The following BNIPL variants were observed in gnomAD, a reference collection of about 807,000 sequenced individuals.
The protein encoded by BNIPL is BCL2 interacting protein like.
A neutral mutation model predicts 47.0 loss-of-function variants in BNIPL; 33 were observed. The observed-to-expected ratio is 0.70, with a 90% CI of 0.53 to 0.94. The LOEUF (loss-of-function observed/expected upper bound fraction) is 0.94. Ranked by LOEUF, BNIPL falls within the 40% of genes least tolerant of loss-of-function variation. The pLI is 0.00. For synonymous variants in BNIPL, 145 were observed against 162.7 expected (o/e 0.89, Z 0.83); for missense variants, 404 against 445.2 (o/e 0.91, Z 0.83).
Position 151,038,531 on chromosome 1 carries a change from T to C in BNIPL, c.165T>C (p.Ser55=). 1 of 1,613,848 alleles carries C rather than the reference T, an allele frequency of 6.2e-7. No homozygotes were observed. Among genetic ancestry groups the C allele is most frequent in the African/African-American group, 1.3e-5 (1 of 75,010 alleles). ...TGCTTCCTGAGGAGGCTGGCACTTC[T>C]GAAGATCCTGAAGACCCTAAAGGAG... is the stretch of plus-strand genomic sequence containing the variant. ...PRLLPEEAGT[S]EDPEDPKGDS... is the part of the protein sequence containing the mutation. The change falls in exon 3 of 10, where the codon TCT becomes TCC. Residue 55 remains serine (S), a synonymous_variant. Coordinates refer to ENST00000368931, the MANE Select transcript of BNIPL (RefSeq NM_138278.4).
intron 4 of BNIPL, among the ~76,000 whole-genome samples, chr1:151,041,163 A>T (rs1675810697): frequency 6.6e-6 from 1 of 151,950 alleles, no homozygotes; most frequent in Non-Finnish European, 1.5e-5. Context: ...CCAGCCTGGA[A>T]GACAGAGTGA....
intron 4 of BNIPL, among the ~76,000 whole-genome samples, chr1:151,041,706 G>A (rs1675828496): frequency 6.6e-6 from 1 of 152,230 alleles, no homozygotes; most frequent in Non-Finnish European, 1.5e-5. Context: ...GGGCACGGTG[G>A]CTCATGCCTG....
Position 151,045,652 on chromosome 1 carries a change from C to A in BNIPL, c.852-145C>A, listed in dbSNP as rs72706565. The A allele has an allele frequency of 4.2e-3, 5,908 of 1,402,320 alleles. 14 individuals are homozygous for A. The highest frequency in any genetic ancestry group is 5.1e-3 in the Non-Finnish European group (5,399 of 1,059,094). The allele number at this position is 1,402,320 out of a possible 1,614,324, so 86.9% of individuals were successfully genotyped here. On this transcript the variant is annotated intron_variant, in intron 7 of 9. Transcript: ENST00000368931. ...TGGGTGGAGCTGAGATTACAGCTGA[C>A]GGAATGGGGATTAGACCCAAGTACC...
chr1:151,040,682 C>T (rs890547603), intron 4 of BNIPL, among the ~76,000 whole-genome samples: 1 of 151,556 alleles, frequency 6.6e-6, no homozygotes, highest in Non-Finnish European at 1.5e-5. Context: ...GTAATCCCAG[C>T]TACTTGGGAG....
Position 151,038,953 on chromosome 1 carries a change from C to A in BNIPL, c.360C>A (p.Asp120Glu), listed in dbSNP as rs768006204. 1 of 1,613,032 alleles carries A rather than the reference C, an allele frequency of 6.2e-7. No homozygotes were observed. The change falls in exon 4 of 10, where the codon GAC becomes GAA. Residue 120 changes from aspartate (D) to glutamate (E), a missense_variant. Transcript: ENST00000368931. ...SAPSSPDGSSDLEIDELETPS... is the reference protein window; with the variant it reads ...SAPSSPDGSSELEIDELETPS... The stretch of plus-strand genomic sequence containing the variant: ...CTTCCTCTCCTGATGGCAGTTCTGA[C>A]CTGGAGATAGACGAATTGGAGACAC...
Position 151,043,348 on chromosome 1 carries a change from C to T in BNIPL, c.633C>T (p.Gly211=), listed in dbSNP as rs1466593634. The change falls in exon 6 of 10, where the codon GGC becomes GGT. Residue 211 remains glycine, a synonymous_variant. Coordinates refer to ENST00000368931, the MANE Select transcript of BNIPL (RefSeq NM_138278.4). ...ACTCTCCAGGTTACCACGGTGATGG[C>T]CTCAATGCTGTCATCCTTTTTGCTT... The part of the protein sequence containing the change: ...VLSHGGYHGD[G]LNAVILFASC... 2 of 1,608,886 alleles carry T rather than the reference C, an allele frequency of 1.2e-6. No homozygotes were observed. Among genetic ancestry groups the T allele is most frequent in the East Asian group, 2.2e-5 (1 of 44,874 alleles).
At chr1:151,041,191 A>T (rs185283883) in intron 4 of BNIPL, among the ~76,000 whole-genome samples, 2 of 152,072 alleles carry the variant, frequency 1.3e-5, no homozygotes, top group African/African-American at 4.8e-5. Flanking sequence ...TCTCAAAAAA[A>T]AAGGTAGAGA....
At position 151,046,639 on chromosome 1, in the gene BNIPL, T is replaced by G. The variant is rs750045816; in HGVS notation, c.1038-12T>G. On this transcript the variant is annotated splice_polypyrimidine_tract_variant and intron_variant, in intron 9 of 9. Coordinates refer to ENST00000368931, the MANE Select transcript of BNIPL (RefSeq NM_138278.4). ...CTGAACCACTTCTCTCCTCCCCCTC[T>G]CCCTCTCCTAGGCTGGACCGGGATC... 25 of 1,599,002 alleles carry G rather than the reference T, an allele frequency of 1.6e-5. No homozygotes were observed. Among genetic ancestry groups the G allele is most frequent in the Non-Finnish European group, 2.1e-5 (25 of 1,170,610 alleles).
intron 4 of BNIPL, among the ~76,000 whole-genome samples, chr1:151,041,204 A>G (rs1675814715): frequency 6.6e-6 from 1 of 151,794 alleles, no homozygotes; most frequent in African/African-American, 2.4e-5. Context: ...GGTAGAGAAG[A>G]AAGGAAAGCT....
Position 151,038,000 on chromosome 1 carries a change from C to CAAAAAAAAAAAAAA in BNIPL, c.137+354_137+367dup, listed in dbSNP as rs58423611. Among the ~76,000 whole-genome samples the CAAAAAAAAAAAAAA allele has an allele frequency of 6.6e-4, 42 of 63,950 alleles. 3 individuals are homozygous for CAAAAAAAAAAAAAA. The highest frequency in any genetic ancestry group is 3.7e-3 in the African/African-American group (40 of 10,688). The allele number at this position is 63,950 out of a possible 152,430, so 42.0% of individuals were successfully genotyped here. A position where few individuals can be genotyped will look rare whatever the true frequency, so the allele number is the denominator to read the frequency against. ...GGGCAACAAGAGTGAAACTCTGTCT[C>CAAAAAAAAAAAAAA]AAAAAAAAAAAAAAAAAAAAAAAAA... On this transcript the variant is annotated intron_variant, in intron 2 of 9. Transcript: ENST00000368931.
At position 151,036,766 on chromosome 1, in the gene BNIPL, GGTAA is replaced by G. The variant is rs752295760; in HGVS notation, c.41+6_41+9del. The stretch of plus-strand genomic sequence containing the variant: ...GAGGCAGGAAAAAAGACAGATGTTG[GGTAA>G]GTAAGATCTTGGCTCACTTGATTGG... On this transcript the variant is annotated splice_donor_variant and splice_donor_region_variant and intron_variant, in intron 1 of 9. Coordinates refer to ENST00000368931, the MANE Select transcript of BNIPL (RefSeq NM_138278.4). LOFTEE classifies it high-confidence loss of function. 42 of 1,608,404 alleles carry G rather than the reference GGTAA, an allele frequency of 2.6e-5. No individual in the cohort carries two copies. Among genetic ancestry groups the G allele is most frequent in the Non-Finnish European group, 3.2e-5 (38 of 1,174,978 alleles).
intron 9 of BNIPL, 147 bp from the exon 10 acceptor site, chr1:151,046,504 G>T: frequency 1.4e-6 from 1 of 719,518 alleles, no homozygotes. Flanking sequence ...GTGGGGGAGA[G>T]GGTGTTAGGG....
intron 4 of BNIPL, among the ~76,000 whole-genome samples, chr1:151,040,235 C>T (rs1049037325): frequency 5.9e-5 from 9 of 152,200 alleles, no homozygotes; most frequent in Non-Finnish European, 1.2e-4. Context: ...GTCTGGAGTG[C>T]AATGGCACAA....
In BNIPL at chr1:151,037,674, T is replaced by C; in HGVS notation, c.137+12T>C. The C allele has an allele frequency of 6.3e-7, 1 of 1,577,154 alleles. No individual in the cohort carries two copies. The highest frequency in any genetic ancestry group is 8.6e-7 in the Non-Finnish European group (1 of 1,159,478). On this transcript the variant is annotated intron_variant, in intron 2 of 9. Coordinates refer to ENST00000368931, the MANE Select transcript of BNIPL (RefSeq NM_138278.4). ...GAAGAATTCCCTAGGTGAGGACGTG[T>C]GAGGGTGGCTGGGAGAAGGGAGGGG...
At chr1:151,040,316 A>C (rs1675772985) in intron 4 of BNIPL, among the ~76,000 whole-genome samples, 1 of 151,970 alleles carries the variant, frequency 6.6e-6, no homozygotes, top group Admixed American at 6.6e-5. Context: ...AGTATCTGGG[A>C]CTATAGGCCC....
intron 7 of BNIPL, among the ~76,000 whole-genome samples, chr1:151,044,582 A>G (rs1675940915): frequency 6.6e-6 from 1 of 152,162 alleles, no homozygotes; most frequent in Non-Finnish European, 1.5e-5. Flanking sequence ...AGCTGGGAGT[A>G]CAGGCATGCG....
At chr1:151,039,465 GA>G (rs1339680642) in intron 4 of BNIPL, among the ~76,000 whole-genome samples, 16 of 152,298 alleles carry the variant, frequency 1.1e-4, no homozygotes, top group African/African-American at 3.8e-4. Flanking sequence ...TGAAGGAGAT[GA>G]TTCTGAGCTA....
chr1:151,038,826 G>T lies in BNIPL; in HGVS notation c.233G>T (p.Cys78Phe), dbSNP rs587723145. The T allele has an allele frequency of 6.2e-7, 1 of 1,607,158 alleles. No individual in the cohort carries two copies. The highest frequency in any genetic ancestry group is 2.2e-5 in the East Asian group (1 of 44,800). The change falls in exon 4 of 10, where the codon TGT becomes TTT. Residue 78 changes from cysteine to phenylalanine, a missense_variant. By Grantham distance (205) the Cys-to-Phe change is radical (BLOSUM62 -2). Coordinates refer to ENST00000368931, the MANE Select transcript of BNIPL (RefSeq NM_138278.4). ...AAGTPSTLAL[C>F]GQRPMRKRLS... ...GGTACCCCCAGCACTTTAGCCCTGT[G>T]TGGCCAGCGCCCCATGCGCAAGCGT... is the stretch of plus-strand genomic sequence containing the variant.
At chr1:151,046,306 C>A in intron 9 of BNIPL, 141 bp downstream of exon 9, 1 of 1,299,246 alleles carries the variant, frequency 7.7e-7, no homozygotes, top group Non-Finnish European at 1.0e-6. Context: ...TATGGGGAAA[C>A]TGCACACACC....
Sources: gnomAD v4.1 joint callset for allele counts (sites outside exome capture counted in the v4.1 genomes callset) on GRCh38, gnomAD v4.1.1 for gene constraint, MANE v1.5 for transcripts, NCBI Gene and HGNC (gene_info 2026-07-23, HGNC 2026-07-21) for gene names.